The following CRISP1 variants were observed in gnomAD, a reference collection of about 807,000 sequenced individuals.
CRISP1 encodes cysteine-rich secretory protein 1.
CRISP1 carries 44 observed loss-of-function variants against 33.1 expected under a neutral mutation model. That is an observed-to-expected ratio of 1.33 (90% CI 1.05 to 1.71). The LOEUF (loss-of-function observed/expected upper bound fraction) is 1.71. Among genes scored for constraint, CRISP1 ranks in the 40% most tolerant of loss-of-function variants. The probability of loss-of-function intolerance (pLI) is 0.00; values close to 1 mark genes in which losing one functional copy is unlikely to be tolerated. For missense variants in CRISP1, 390 were observed against 301.2 expected (o/e 1.29, Z -2.18); for synonymous variants, 103 against 98.7 (o/e 1.04, Z -0.26).
At chr6:49,857,526 C>T (rs932917891) in intron 1 of CRISP1, 124 bp from the exon 2 acceptor site, 19 of 795,512 alleles carry the variant, frequency 2.4e-5, no homozygotes, top group South Asian at 3.3e-5. Flanking sequence ...CTTTAGGATC[C>T]GAACAAGGTT....
Position 49,840,985 on chromosome 6 carries a change from G to A in CRISP1, c.446C>T (p.Ala149Val), listed in dbSNP as rs747400210. The change falls in exon 6 of 8, where the codon GCC (alanine) becomes GTC (valine). Residue 149 changes from alanine to valine, a missense_variant. By Grantham distance (64) the Ala-to-Val change is moderately conservative. Coordinates refer to ENST00000335847, the MANE Select transcript of CRISP1 (RefSeq NM_001131.3). ...TTDHYTQIVW[A>V]TSYLIGCAIA... ...GGCACAGCCAATCAGGTAAGATGTG[G>A]CCCAAACAATCTGCAATGATAAAGA... 5.0e-6 allele frequency: 8 copies of A among 1,613,430 alleles called. No individual in the cohort carries two copies. In the Admixed American group the frequency reaches 1.3e-4, roughly 27 times the overall value.
chr6:49,873,545 T>G (rs1055453205), intron 1 of CRISP1, among the ~76,000 whole-genome samples: 1 of 152,098 alleles, frequency 6.6e-6, no homozygotes, highest in Non-Finnish European at 1.5e-5. Context: ...CTTGAAATGG[T>G]TTCTCACTAT....
intron 1 of CRISP1, among the ~76,000 whole-genome samples, chr6:49,873,076 C>T (rs933316142): frequency 1.2e-4 from 18 of 151,892 alleles, no homozygotes; most frequent in Admixed American, 3.3e-4. Flanking sequence ...TGTTAAATGA[C>T]GAGTTACTTG....
chr6:49,872,993 G>A (rs1771961228), intron 1 of CRISP1, among the ~76,000 whole-genome samples: 1 of 151,932 alleles, frequency 6.6e-6, no homozygotes, highest in Non-Finnish European at 1.5e-5. Context: ...ACCTTGGGGA[G>A]TATGGCCATT....
chr6:49,849,141 G>C (rs1771273700), intron 3 of CRISP1, among the ~76,000 whole-genome samples: 1 of 152,130 alleles, frequency 6.6e-6, no homozygotes, highest in Non-Finnish European at 1.5e-5. Flanking sequence ...GAGAAATTCT[G>C]CATCTGTAAG....
At chr6:49,867,863 T>G (rs1448527701), upstream of CRISP1, among the ~76,000 whole-genome samples, 2 of 152,148 alleles carry the variant, frequency 1.3e-5, no homozygotes, top group Non-Finnish European at 2.9e-5. Flanking sequence ...TCCAAATTAT[T>G]GAGCAACTTT....
At chr6:49,847,313 T>C (rs1181260736) in intron 4 of CRISP1, among the ~76,000 whole-genome samples, 1 of 152,208 alleles carries the variant, frequency 6.6e-6, no homozygotes, top group Non-Finnish European at 1.5e-5. Context: ...AAATCTCATG[T>C]TGAGATGTAA....
intron 1 of CRISP1, among the ~76,000 whole-genome samples, chr6:49,865,433 C>A (rs1449819415): frequency 6.6e-6 from 1 of 151,986 alleles, no homozygotes; most frequent in Non-Finnish European, 1.5e-5. Context: ...ACATAAATAC[C>A]AGCTATTTGA....
chr6:49,848,883 C>T (rs1304479813), intron 3 of CRISP1, among the ~76,000 whole-genome samples: 2 of 151,972 alleles, frequency 1.3e-5, no homozygotes, highest in Non-Finnish European at 1.5e-5. Context: ...TCTTCTCTCA[C>T]TTTAACCTCA....
At chr6:49,867,080 T>A (rs2127478747), upstream of CRISP1, among the ~76,000 whole-genome samples, 1 of 152,266 alleles carries the variant, frequency 6.6e-6, no homozygotes, top group Middle Eastern at 3.4e-3. Flanking sequence ...TAGAGATTTG[T>A]CCAGAAACAA....
chr6:49,854,106 C>T (rs543549353), intron 2 of CRISP1, among the ~76,000 whole-genome samples: 1 of 152,146 alleles, frequency 6.6e-6, no homozygotes. Flanking sequence ...TAAAGAGAAG[C>T]CATCAGAGGG....
chr6:49,873,453 G>A (rs1045389111), intron 1 of CRISP1, among the ~76,000 whole-genome samples: 1 of 151,970 alleles, frequency 6.6e-6, no homozygotes, highest in African/African-American at 2.4e-5. Context: ...TTGGCAGCCA[G>A]GTCCTAGCAT....
intron 1 of CRISP1, among the ~76,000 whole-genome samples, 170 bp from the exon 2 acceptor site, chr6:49,857,572 A>G (rs1286542245): frequency 6.6e-6 from 1 of 152,178 alleles, no homozygotes; most frequent in Non-Finnish European, 1.5e-5. Context: ...ATAGAAAGGC[A>G]GGACTGTTGT....
intron 1 of CRISP1, among the ~76,000 whole-genome samples, chr6:49,859,590 A>C (rs923569525): frequency 1.3e-5 from 2 of 152,202 alleles, no homozygotes; most frequent in Non-Finnish European, 2.9e-5. Flanking sequence ...ATCTACCATC[A>C]TGAAAACACA....
At chr6:49,869,039 G>C (rs1771864419), upstream of CRISP1, among the ~76,000 whole-genome samples, 2 of 151,958 alleles carry the variant, frequency 1.3e-5, no homozygotes, top group Non-Finnish European at 2.9e-5. Context: ...CTTTGTTTTA[G>C]TTGTCTACTT....
chr6:49,868,188 T>G (rs115197089), upstream of CRISP1, among the ~76,000 whole-genome samples: 987 of 152,286 alleles, frequency 6.5e-3, 17 homozygotes, highest in African/African-American at 0.023. Context: ...TGGGAAGTGT[T>G]GGAAAGCAAG....
chr6:49,844,410 CT>C (rs1000150895), intron 5 of CRISP1, among the ~76,000 whole-genome samples: 4 of 152,188 alleles, frequency 2.6e-5, no homozygotes, highest in African/African-American at 9.6e-5. Context: ...GGAAGAATGA[CT>C]CCCCAAATGT....
At chr6:49,871,139 A>AG (rs1771914010), upstream of CRISP1, among the ~76,000 whole-genome samples, 1 of 150,102 alleles carries the variant, frequency 6.7e-6, no homozygotes, top group East Asian at 2.0e-4. Context: ...CAAAAAAAAA[A>AG]CAAAGAAAGA....
chr6:49,853,951 A>C (rs886617759), intron 2 of CRISP1, among the ~76,000 whole-genome samples: 1 of 152,154 alleles, frequency 6.6e-6, no homozygotes, highest in Non-Finnish European at 1.5e-5. Context: ...GACCTCAAAT[A>C]GTTCCTTAAC....
Sources: allele counts gnomAD v4.1 joint callset (sites outside exome capture counted in the v4.1 genomes callset), GRCh38; gene constraint gnomAD v4.1.1; transcripts MANE v1.5; gene names NCBI Gene and HGNC (gene_info 2026-07-23, HGNC 2026-07-21).